Variants in USB1 observed in about 807,000 individuals in gnomAD.
USB1 encodes U6 snRNA phosphodiesterase 1.
In USB1, 21 loss-of-function variants were observed where a neutral mutation model predicts 29.9. The observed-to-expected ratio is 0.70, with a 90% CI of 0.50 to 1.01. USB1 has a LOEUF of 1.01. Among genes scored for constraint, USB1 ranks in the 50% least tolerant of loss-of-function variants. The pLI is 0.00. For missense variants in USB1, 330 were observed against 347.1 expected, an observed-to-expected ratio of 0.95 and a Z score of 0.39; for synonymous variants, 143 against 134.9, an observed-to-expected ratio of 1.06 and a Z score of -0.42.
chr16:58,008,026 C>A (rs1242104560), intron 2 of USB1, among the ~76,000 whole-genome samples: 1 of 152,008 alleles, frequency 6.6e-6, no homozygotes, highest in African/African-American at 2.4e-5. Flanking sequence ...TAGATTTAGG[C>A]CTATTTAGAT....
intron 2 of USB1, among the ~76,000 whole-genome samples, chr16:58,003,497 CT>C (rs1272017065): frequency 6.6e-6 from 1 of 152,154 alleles, no homozygotes; most frequent in African/African-American, 2.4e-5. Flanking sequence ...AATTACATTC[CT>C]TGGTTTTTGC....
Position 58,013,601 on chromosome 16 carries a change from GGGGTGGGT to G in USB1, c.450-664_450-657del. On this transcript the variant is annotated intron_variant, in intron 3 of 6. Transcript: ENST00000219281. The surrounding 1 kb of genome is among the most constrained non-coding windows in gnomAD (Gnocchi z 4.3). ...GACTCTTCCCGTGTTATTGATCTGA[GGGGTGGGT>G]GGGTGGGGGCATCTGTCTCGATTTC... 1.1e-5 allele frequency: 3 copies of G among 269,716 alleles called. No homozygotes were observed. Among genetic ancestry groups the G allele is most frequent in the Non-Finnish European group, 1.7e-5 (3 of 180,738 alleles). The allele number at this position is 269,716 out of a possible 1,614,324, so 16.7% of individuals were successfully genotyped here.
At chr16:58,004,393 A>G (rs561153805) in intron 2 of USB1, among the ~76,000 whole-genome samples, 2 of 151,838 alleles carry the variant, frequency 1.3e-5, no homozygotes, top group Non-Finnish European at 2.9e-5. Context: ...CAGTCCTCCA[A>G]CTTTGTTCTT....
chr16:58,018,534 G>A (rs1272322819), intron 5 of USB1, among the ~76,000 whole-genome samples: 4 of 151,994 alleles, frequency 2.6e-5, no homozygotes, highest in East Asian at 1.9e-4. Flanking sequence ...AAGCGTGGTC[G>A]GTTTCTGGTG....
intron 2 of USB1, among the ~76,000 whole-genome samples, chr16:58,004,305 A>G (rs886649208): frequency 3.9e-5 from 6 of 152,156 alleles, no homozygotes; most frequent in Non-Finnish European, 5.9e-5. Context: ...CCATTCATCT[A>G]TTTGTTCACC....
intron 2 of USB1, among the ~76,000 whole-genome samples, chr16:58,009,703 C>T (rs183375947): frequency 6.1e-5 from 9 of 148,316 alleles, no homozygotes; most frequent in South Asian, 4.3e-4. Context: ...CCAGCCTGGG[C>T]GGCAGAGCAA....
intron 2 of USB1, among the ~76,000 whole-genome samples, chr16:58,003,463 CAT>C (rs1450021101): frequency 6.6e-6 from 1 of 152,216 alleles, no homozygotes; most frequent in African/African-American, 2.4e-5. Flanking sequence ...CAAAACTAAA[CAT>C]ACTCTTATCA....
chr16:58,001,772 C>T (rs533934225), intron 1 of USB1, among the ~76,000 whole-genome samples, 191 bp downstream of exon 1: 1 of 125,956 alleles, frequency 7.9e-6, no homozygotes, highest in South Asian at 2.8e-4. Context: ...TCCAGAGTGG[C>T]CCCACCTGGC....
At chr16:58,005,705 G>C (rs988290222) in intron 2 of USB1, among the ~76,000 whole-genome samples, 1 of 151,922 alleles carries the variant, frequency 6.6e-6, no homozygotes, top group Non-Finnish European at 1.5e-5. Flanking sequence ...TCGTGCCCTC[G>C]GTCTCTTGCC....
chr16:58,019,126 G>A, intron 6 of USB1, 71 bp downstream of exon 6: 1 of 1,508,238 alleles, frequency 6.6e-7, no homozygotes. Context: ...TGGAGAGGGG[G>A]AGGATGAGGC....
intron 2 of USB1, among the ~76,000 whole-genome samples, chr16:58,009,547 G>C (rs1443073614): frequency 6.6e-6 from 1 of 151,560 alleles, no homozygotes; most frequent in African/African-American, 2.4e-5. Context: ...GTGAAACCCC[G>C]TCTCTACTAA....
Position 58,020,099 on chromosome 16 carries a change from T to A in USB1, c.694-42T>A, listed in dbSNP as rs185437684. On this transcript the variant is annotated intron_variant, in intron 6 of 6. Transcript: ENST00000219281. Reference sequence around the variant, plus strand: ...TTTGCAGTGCCCTGTGGGTCCCAGATGCCCCTTAATGTGACTGTCCTCCCC... The same window carrying A: ...TTTGCAGTGCCCTGTGGGTCCCAGAAGCCCCTTAATGTGACTGTCCTCCCC... 4.0e-4 allele frequency: 645 copies of A among 1,602,198 alleles called. 3 individuals carry two copies. In the African/African-American group the frequency reaches 7.6e-3, roughly 19 times the overall value.
intron 2 of USB1, among the ~76,000 whole-genome samples, chr16:58,005,718 G>A (rs1963335333): frequency 1.3e-5 from 2 of 151,892 alleles, no homozygotes; most frequent in African/African-American, 2.4e-5. Flanking sequence ...CTCTTGCCTC[G>A]GCACCTGGAT....
chr16:58,002,553 A>T lies in USB1; in HGVS notation c.173A>T (p.Glu58Val), dbSNP rs981797222. 4.3e-6 allele frequency: 7 copies of T among 1,613,980 alleles called. No homozygotes were observed. In the African/African-American group the frequency reaches 9.3e-5, roughly 22 times the overall value. ...CTGAACATGTTCCCGGGCACCGAGG[A>T]GGGGCCTGAAGATGACAGCACAAAA... ...SVLNMFPGTEEGPEDDSTKHG... is the reference protein window; with the variant it reads ...SVLNMFPGTEVGPEDDSTKHG... Residue 58 changes from glutamate (E) to valine (V), a missense_variant, in exon 2 of 7, where the codon GAG becomes GTG. Transcript: ENST00000219281.
chr16:58,001,873 G>C (rs1444725994), intron 1 of USB1, among the ~76,000 whole-genome samples: 3 of 152,214 alleles, frequency 2.0e-5, no homozygotes, highest in East Asian at 3.9e-4. Flanking sequence ...TACCATCCTA[G>C]GTCCGTTTCC....
At chr16:58,003,189 C>T (rs1056540978) in intron 2 of USB1, among the ~76,000 whole-genome samples, 4 of 152,200 alleles carry the variant, frequency 2.6e-5, no homozygotes, top group South Asian at 2.1e-4. Flanking sequence ...CTTTGGGAAG[C>T]GGAGGCAGGC....
intron 6 of USB1, among the ~76,000 whole-genome samples, chr16:58,019,537 C>G (rs1246976405): frequency 6.6e-6 from 1 of 152,126 alleles, no homozygotes; most frequent in Non-Finnish European, 1.5e-5. Context: ...TTCCACTTTC[C>G]CATCTGCGCC....
At chr16:58,016,673 G>C (rs539876044) in intron 4 of USB1, 1 of 156,856 alleles carries the variant, frequency 6.4e-6, no homozygotes, top group South Asian at 1.9e-4. Context: ...TTCAAGGAGG[G>C]AAGAGTCCAC....
In USB1 at chr16:58,018,992, C is replaced by T. The variant is rs932096838; in HGVS notation, c.630C>T (p.Ser210=). The T allele has an allele frequency of 5.6e-6, 9 of 1,614,088 alleles. No individual in the cohort carries two copies. In the Admixed American group the frequency reaches 1.0e-4, roughly 18 times the overall value. ...CCCAGGATCCTTCTTTCCACCTCAGCCTGGCCTGGTGTGTGGGTGATGCAC... is the reference window on the plus strand; with the variant it reads ...CCCAGGATCCTTCTTTCCACCTCAGTCTGGCCTGGTGTGTGGGTGATGCAC... The part of the protein sequence containing the change: ...TFYQDPSFHL[S]LAWCVGDARL... Residue 210 remains serine (S), a synonymous_variant, in exon 6 of 7, where the codon AGC becomes AGT. Transcript: ENST00000219281.
Sources: allele counts gnomAD v4.1 joint callset (sites outside exome capture counted in the v4.1 genomes callset), GRCh38; gene constraint gnomAD v4.1.1; non-coding constraint Gnocchi (gnomAD v3.1); transcripts MANE v1.5; gene names NCBI Gene and HGNC (gene_info 2026-07-23, HGNC 2026-07-21).